The following GRIP1 variants were observed in gnomAD, a reference collection of about 807,000 sequenced individuals.
The protein encoded by GRIP1 is glutamate receptor-interacting protein 1.
GRIP1 carries 45 observed loss-of-function variants against 129.9 expected under a neutral mutation model. That is an observed-to-expected ratio of 0.35 (90% CI 0.27 to 0.44). The LOEUF (loss-of-function observed/expected upper bound fraction) is 0.44, where lower values mean the gene tolerates loss of function less well. GRIP1 is among the 20% of genes least tolerant of loss of function. The probability of loss-of-function intolerance (pLI) is 1.00; values close to 1 mark genes in which losing one functional copy is unlikely to be tolerated. For missense variants in GRIP1, 1,196 were observed against 1,396.8 expected (o/e 0.86, Z 2.29); for synonymous variants, 530 against 520.8 (o/e 1.02, Z -0.24).
At chr12:66,956,446 G>C (rs955291231) in intron 1 of GRIP1, among the ~76,000 whole-genome samples, 4 of 152,116 alleles carry the variant, frequency 2.6e-5, no homozygotes, top group Non-Finnish European at 4.4e-5. Context: ...AGCTGGTTAA[G>C]GTGGTATCTG....
intron 7 of GRIP1, among the ~76,000 whole-genome samples, chr12:66,497,070 C>A (rs746085422): frequency 1.4e-4 from 21 of 152,144 alleles, no homozygotes; most frequent in Non-Finnish European, 1.8e-4. Context: ...GCATTTCATT[C>A]AGATAACAAG....
chr12:66,988,302 A>AAACAGAT (rs2042344038), intron 1 of GRIP1, among the ~76,000 whole-genome samples: 1 of 152,196 alleles, frequency 6.6e-6, no homozygotes, highest in Non-Finnish European at 1.5e-5. Context: ...AATAATAAAT[A>AAACAGAT]AACAGATAAA....
At chr12:66,350,397 G>C (rs2054169883) in intron 24 of GRIP1, among the ~76,000 whole-genome samples, 1 of 152,076 alleles carries the variant, frequency 6.6e-6, no homozygotes, top group African/African-American at 2.4e-5. Flanking sequence ...CTTGGGAGCT[G>C]GCTGAGGCAG....
At chr12:66,568,966 A>T in intron 2 of GRIP1, 1 of 514,344 alleles carries the variant, frequency 1.9e-6, no homozygotes, top group Non-Finnish European at 3.9e-6. Context: ...AGGTTGATAC[A>T]CTGCATCTAC....
chr12:66,622,377 G>T (rs552491119), intron 1 of GRIP1, among the ~76,000 whole-genome samples: 165 of 152,018 alleles, frequency 1.1e-3, no homozygotes, highest in African/African-American at 3.9e-3. Flanking sequence ...CAACAGGGTG[G>T]CTACAGTCAA....
At chr12:66,740,882 A>G (rs1281945698) in intron 1 of GRIP1, among the ~76,000 whole-genome samples, 1 of 152,138 alleles carries the variant, frequency 6.6e-6, no homozygotes, top group Non-Finnish European at 1.5e-5. Context: ...CTCTTTCTCA[A>G]CCCTGGGTGG....
chr12:66,397,110 CAAAAAAA>C (rs71436004), intron 16 of GRIP1, among the ~76,000 whole-genome samples: 5 of 60,216 alleles, frequency 8.3e-5, no homozygotes, highest in East Asian at 1.1e-3. Context: ...GACTCTGTCT[CAAAAAAA>C]AAAAAAAAAA....
intron 1 of GRIP1, among the ~76,000 whole-genome samples, chr12:66,643,905 G>C (rs1422233550): frequency 2.0e-5 from 3 of 152,016 alleles, no homozygotes; most frequent in Admixed American, 1.3e-4. Context: ...AAATTGTCTT[G>C]CCATATGTAT....
intron 23 of GRIP1, among the ~76,000 whole-genome samples, chr12:66,368,797 A>C (rs553458347): frequency 6.6e-6 from 1 of 152,302 alleles, no homozygotes; most frequent in Admixed American, 6.5e-5. Context: ...AGACACCCAC[A>C]TTCAACACAC....
intron 1 of GRIP1, chr12:66,626,744 T>A (rs1472573498): frequency 6.5e-6 from 1 of 152,932 alleles, no homozygotes; most frequent in Non-Finnish European, 1.5e-5. Flanking sequence ...CACTCCTCAT[T>A]TCACAGTTCT....
chr12:66,707,503 T>TAAAAAAAAAA (rs58564255), intron 1 of GRIP1, among the ~76,000 whole-genome samples: 1 of 64,040 alleles, frequency 1.6e-5, no homozygotes, highest in African/African-American at 5.8e-5. Flanking sequence ...AATCACTGAC[T>TAAAAAAAAAA]AAAAAAAAAA....
At chr12:67,023,565 CTTTT>C (rs542073871) in intron 1 of GRIP1, among the ~76,000 whole-genome samples, 2 of 148,386 alleles carry the variant, frequency 1.3e-5, no homozygotes, top group Non-Finnish European at 3.0e-5. Context: ...TACCTTTGTT[CTTTT>C]TTTTTTCAGT....
intron 1 of GRIP1, among the ~76,000 whole-genome samples, chr12:66,723,093 G>C (rs2036109471): frequency 6.7e-6 from 1 of 149,860 alleles, no homozygotes; most frequent in Non-Finnish European, 1.5e-5. Flanking sequence ...CCAGCCTTTG[G>C]GCAGCATTCA....
At chr12:66,817,326 A>C in intron 1 of GRIP1, among the ~76,000 whole-genome samples, 1 of 152,092 alleles carries the variant, frequency 6.6e-6, no homozygotes, top group East Asian at 1.9e-4. Context: ...TTAAAAAATT[A>C]CTGAGGACAT....
At chr12:66,741,128 C>T (rs1003687947) in intron 1 of GRIP1, among the ~76,000 whole-genome samples, 2 of 152,192 alleles carry the variant, frequency 1.3e-5, no homozygotes, top group Admixed American at 6.5e-5. Context: ...GCAACATCTA[C>T]TCCTACTAAT....
At chr12:66,449,013 T>C (rs58531557) in intron 11 of GRIP1, among the ~76,000 whole-genome samples, 16,588 of 152,164 alleles carry the variant, frequency 0.11, 2,600 homozygotes, top group African/African-American at 0.35. Context: ...CTTGACACAC[T>C]TTTGTGTCTT....
At chr12:66,572,723 G>C (rs1170254971) in intron 2 of GRIP1, among the ~76,000 whole-genome samples, 1 of 152,140 alleles carries the variant, frequency 6.6e-6, no homozygotes, top group Non-Finnish European at 1.5e-5. Context: ...TCTCCACCCA[G>C]TAATGGTCTG....
intron 1 of GRIP1, among the ~76,000 whole-genome samples, chr12:66,717,483 T>C (rs1294261067): frequency 6.6e-6 from 1 of 152,048 alleles, no homozygotes; most frequent in Non-Finnish European, 1.5e-5. Context: ...AAAGGGTGTA[T>C]ACACAGATGC....
chr12:67,060,604 T>C lies in GRIP1; in HGVS notation c.58+8446A>G, dbSNP rs77868505. On this transcript the variant is annotated intron_variant, in intron 1 of 1. Coordinates refer to the GRIP1 transcript ENST00000643019. Reference sequence around the variant, plus strand: ...GGGAAGCCAAGGCAGGCAGATCACCTGAGGTCAGGAGTTCGAGACCAGCCT... The same window carrying C: ...GGGAAGCCAAGGCAGGCAGATCACCCGAGGTCAGGAGTTCGAGACCAGCCT... 2.9e-3 allele frequency among the ~76,000 whole-genome samples: 449 copies of C among 152,240 alleles called. 14 individuals carry two copies. In the East Asian group the frequency reaches 0.064, roughly 22 times the overall value.
Sources: allele counts gnomAD v4.1 joint callset (sites outside exome capture counted in the v4.1 genomes callset), GRCh38; gene constraint gnomAD v4.1.1; transcripts MANE v1.5; gene names NCBI Gene and HGNC (gene_info 2026-07-23, HGNC 2026-07-21).